Variants in RGS6 observed in about 807,000 individuals in gnomAD.
RGS6 encodes the protein regulator of G protein signaling 6.
RGS6 carries 30 observed loss-of-function variants against 78.5 expected under a neutral mutation model. The observed-to-expected ratio is 0.38, with a 90% confidence interval of 0.29 to 0.52. The LOEUF is 0.52. Among genes scored for constraint, RGS6 ranks in the 20% least tolerant of loss-of-function variants. The pLI, the probability that RGS6 is intolerant of heterozygous loss-of-function variation, is 0.85. For missense variants in RGS6, 495 were observed against 609.7 expected (o/e 0.81, Z 1.98); for synonymous variants, 206 against 206.0 (o/e 1.00, Z 0.00).
intron 2 of RGS6, among the ~76,000 whole-genome samples, chr14:72,178,061 A>G (rs538028836): frequency 1.8e-4 from 28 of 152,282 alleles, no homozygotes; most frequent in African/African-American, 6.3e-4. Flanking sequence ...CCTGCAGCCA[A>G]TGCACCTGCT....
intron 12 of RGS6, among the ~76,000 whole-genome samples, chr14:72,494,538 T>C (rs2096619029): frequency 6.6e-6 from 1 of 152,222 alleles, no homozygotes. Flanking sequence ...TATTTTATTA[T>C]TCTAACTATT....
At chr14:72,139,251 A>G (rs1209632783) in intron 2 of RGS6, among the ~76,000 whole-genome samples, 1 of 152,210 alleles carries the variant, frequency 6.6e-6, no homozygotes, top group South Asian at 2.1e-4. Flanking sequence ...CCTGCTGCCC[A>G]AGCCACCCTT....
At chr14:72,144,394 G>A (rs1053237583) in intron 2 of RGS6, among the ~76,000 whole-genome samples, 2 of 152,122 alleles carry the variant, frequency 1.3e-5, no homozygotes, top group Admixed American at 1.3e-4. Context: ...CCCGATGAAT[G>A]TTACCCTGTC....
At chr14:72,595,992 T>C in the RGS6 span, among the ~76,000 whole-genome samples, 135,610 of 152,256 alleles carry the variant, frequency 0.89, 60,521 homozygotes, top group Non-Finnish European at 0.92. Flanking sequence ...CAGGGTTGTA[T>C]AGCCTAAGAA....
the RGS6 span, among the ~76,000 whole-genome samples, chr14:71,900,803 T>C: frequency 3.9e-5 from 6 of 152,140 alleles, no homozygotes; most frequent in East Asian, 1.9e-4. Context: ...TTCTACAGGC[T>C]GTACAGGAAG....
At chr14:72,430,019 G>T (rs969854542) in intron 3 of RGS6, among the ~76,000 whole-genome samples, 1 of 152,112 alleles carries the variant, frequency 6.6e-6, no homozygotes, top group Admixed American at 6.6e-5. Flanking sequence ...TGAGGCCTCC[G>T]CAGCCATGCT....
At chr14:71,870,115 G>T in the RGS6 span, among the ~76,000 whole-genome samples, 2 of 152,146 alleles carry the variant, frequency 1.3e-5, no homozygotes, top group Admixed American at 6.5e-5. Flanking sequence ...GGTCTTTTGG[G>T]CATCACCCAA....
chr14:71,942,267 T>C (rs2090724852), intron 1 of RGS6, among the ~76,000 whole-genome samples: 1 of 152,216 alleles, frequency 6.6e-6, no homozygotes, highest in Admixed American at 6.5e-5. Context: ...TTTGAGATGT[T>C]ACAAACCACA....
At chr14:72,396,803 T>A (rs1451065684) in intron 3 of RGS6, among the ~76,000 whole-genome samples, 1 of 152,212 alleles carries the variant, frequency 6.6e-6, no homozygotes, top group Non-Finnish European at 1.5e-5. Context: ...AAATAGGGAA[T>A]CCTTTCCCCA....
At chr14:72,511,057 A>G (rs1480488807) in intron 14 of RGS6, among the ~76,000 whole-genome samples, 1 of 152,178 alleles carries the variant, frequency 6.6e-6, no homozygotes, top group East Asian at 1.9e-4. Context: ...GTTTATTTAG[A>G]CTTTTATGGT....
chr14:71,968,963 T>A (rs2093665881), intron 2 of RGS6, among the ~76,000 whole-genome samples: 1 of 152,184 alleles, frequency 6.6e-6, no homozygotes, highest in South Asian at 2.1e-4. Context: ...TCCTAATGCT[T>A]TCCCTCCCCA....
At chr14:72,517,767 A>G (rs759151831) in intron 14 of RGS6, among the ~76,000 whole-genome samples, 1 of 152,218 alleles carries the variant, frequency 6.6e-6, no homozygotes, top group Non-Finnish European at 1.5e-5. Context: ...ATTCCAGGAC[A>G]CTGCCTGCTT....
intron 2 of RGS6, among the ~76,000 whole-genome samples, chr14:72,115,718 C>T (rs1266376117): frequency 6.6e-6 from 1 of 152,166 alleles, no homozygotes; most frequent in Non-Finnish European, 1.5e-5. Flanking sequence ...TTCCTTCTTC[C>T]AAATGTCATA....
chr14:72,019,037 A>G (rs2153257890), intron 2 of RGS6, among the ~76,000 whole-genome samples: 1 of 152,270 alleles, frequency 6.6e-6, no homozygotes, highest in East Asian at 1.9e-4. Context: ...ACCCAAATAA[A>G]ACAAAAAGCA....
intron 2 of RGS6, among the ~76,000 whole-genome samples, chr14:72,269,974 G>A (rs1740910495): frequency 6.6e-6 from 1 of 152,186 alleles, no homozygotes; most frequent in Admixed American, 6.5e-5. Context: ...CCTGCCCTCA[G>A]GAAGTTTACG....
chr14:72,167,706 C>G (rs2096948484), intron 2 of RGS6, among the ~76,000 whole-genome samples: 1 of 152,110 alleles, frequency 6.6e-6, no homozygotes, highest in African/African-American at 2.4e-5. Context: ...AACACTTACT[C>G]CAAAAATTTA....
chr14:72,407,754 G>A (rs369848713), intron 3 of RGS6, among the ~76,000 whole-genome samples: 56 of 152,344 alleles, frequency 3.7e-4, no homozygotes, highest in African/African-American at 1.3e-3. Flanking sequence ...AAGTGCAAGG[G>A]AAATAGCTCA....
intron 2 of RGS6, among the ~76,000 whole-genome samples, chr14:72,222,187 A>G (rs1403864602): frequency 6.6e-6 from 1 of 152,188 alleles, no homozygotes; most frequent in Non-Finnish European, 1.5e-5. Context: ...AGTTAATGTA[A>G]GTACTCCACC....
chr14:72,526,784 AT>A (rs1403003982), intron 15 of RGS6, among the ~76,000 whole-genome samples: 1 of 152,228 alleles, frequency 6.6e-6, no homozygotes, highest in Non-Finnish European at 1.5e-5. Flanking sequence ...GTGGATGTCC[AT>A]ATTGTTGCGG....
Sources: allele counts gnomAD v4.1 joint callset (sites outside exome capture counted in the v4.1 genomes callset), GRCh38; gene constraint gnomAD v4.1.1; transcripts MANE v1.5; gene names NCBI Gene and HGNC (gene_info 2026-07-23, HGNC 2026-07-21).